KIF1B: variants seen among roughly 807,000 people sequenced by gnomAD.
KIF1B encodes the protein kinesin family member 1B, also known as kinesin-like protein KIF1B.
KIF1B carries 76 observed loss-of-function variants against 241.9 expected under a neutral mutation model. The observed-to-expected ratio is 0.31, with a 90% CI of 0.26 to 0.38. KIF1B has a LOEUF of 0.38. Among genes scored for constraint, KIF1B ranks in the 10% least tolerant of loss-of-function variants. The probability of loss-of-function intolerance (pLI) is 1.00; values close to 1 mark genes in which losing one functional copy is unlikely to be tolerated. For synonymous variants in KIF1B, 750 were observed against 796.7 expected (o/e 0.94, Z 0.99); for missense variants, 1,622 against 2,271.4 (o/e 0.71, Z 5.81).
intron 27 of KIF1B, among the ~76,000 whole-genome samples, chr1:10,329,294 A>G (rs1651833297): frequency 6.6e-6 from 1 of 152,232 alleles, no homozygotes; most frequent in South Asian, 2.1e-4. Context: ...TCTCTTCTAC[A>G]AACAAAATTT....
chr1:10,298,384 A>T (rs1340430335), intron 22 of KIF1B, among the ~76,000 whole-genome samples: 5 of 152,186 alleles, frequency 3.3e-5, no homozygotes, highest in African/African-American at 4.8e-5. Context: ...TTTCCAGAAT[A>T]CCTCAGTTCT....
intron 7 of KIF1B, among the ~76,000 whole-genome samples, 165 bp from the exon 8 acceptor site, chr1:10,271,332 TTAAAC>T (rs1201711354): frequency 6.6e-6 from 1 of 152,236 alleles, no homozygotes; most frequent in Non-Finnish European, 1.5e-5. Flanking sequence ...TGTGTACTGT[TTAAAC>T]TAACTGATAG....
Position 10,256,319 on chromosome 1 carries a change from C to T in KIF1B, c.179C>T (p.Thr60Ile), listed in dbSNP as rs751387700. 1.2e-6 allele frequency: 2 copies of T among 1,602,832 alleles called. No individual in the cohort carries two copies. Among genetic ancestry groups the T allele is most frequent in the Non-Finnish European group, 1.7e-6 (2 of 1,169,750 alleles). The change falls in exon 3 of 49, where the codon ACC (threonine) becomes ATC (isoleucine). Residue 60 changes from threonine (T) to isoleucine (I), a missense_variant. Coordinates refer to ENST00000676179, the MANE Select transcript of KIF1B (RefSeq NM_001365951.3). ...TTCGACTATTCCTACTGGTCTCATA[C>T]CTCAGTGAGTACCCTCATGCCACAG... Reference protein sequence around the residue: ...FSFDYSYWSHTSPEDPCFASQ... With the variant: ...FSFDYSYWSHISPEDPCFASQ...
At chr1:10,274,103 A>AT (rs1252011949) in intron 10 of KIF1B, among the ~76,000 whole-genome samples, 2 of 151,466 alleles carry the variant, frequency 1.3e-5, no homozygotes, top group South Asian at 2.1e-4. Context: ...CCCCCGGCTA[A>AT]TTTTTTGTAT....
chr1:10,359,756 C>T (rs1200137538), intron 38 of KIF1B, among the ~76,000 whole-genome samples: 12 of 152,064 alleles, frequency 7.9e-5, no homozygotes, highest in East Asian at 7.7e-4. Context: ...GGCTCTCGGC[C>T]GGCACAGTGG....
At chr1:10,217,029 A>C (rs557523857) in intron 1 of KIF1B, among the ~76,000 whole-genome samples, 2 of 117,888 alleles carry the variant, frequency 1.7e-5, no homozygotes, top group Admixed American at 2.5e-4. Flanking sequence ...ACTGGAGTGC[A>C]GTGGCCTGAT....
In KIF1B at chr1:10,381,318, T is replaced by C. The variant is rs1270250735; in HGVS notation, c.*4731T>C. The C allele has an allele frequency of 4.4e-6, 1 of 226,662 alleles. No homozygotes were observed. The highest frequency in any genetic ancestry group is 8.8e-6 in the Non-Finnish European group (1 of 113,700). The allele number at this position is 226,662 out of a possible 1,614,324, so 14.0% of individuals were successfully genotyped here. Reference sequence around the variant, plus strand: ...AAGTGGCCTTTTTGAACCAAGACTTTGCAAACTGATCTCTCCCCCGTGAAG... The same window carrying C: ...AAGTGGCCTTTTTGAACCAAGACTTCGCAAACTGATCTCTCCCCCGTGAAG... On this transcript the variant is annotated 3_prime_UTR_variant, in exon 49 of 49. Coordinates refer to ENST00000676179, the MANE Select transcript of KIF1B (RefSeq NM_001365951.3).
In KIF1B at chr1:10,323,856, T is replaced by A. The variant is rs1167745642; in HGVS notation, c.2359-28T>A. 2.5e-6 allele frequency: 4 copies of A among 1,601,862 alleles called. 1 individual carries two copies. ...CTGAAGCTTGCTTGCTGAAAACCAT[T>A]TGTCAATGGTTTATTCTTTCTATTC... On this transcript the variant is annotated intron_variant, in intron 24 of 48. Transcript: ENST00000676179.
chr1:10,372,909 C>A (rs893720304), intron 45 of KIF1B, among the ~76,000 whole-genome samples: 1 of 151,598 alleles, frequency 6.6e-6, no homozygotes, highest in Non-Finnish European at 1.5e-5. Flanking sequence ...CACCTTCCAG[C>A]TTCAAGTGAT....
At chr1:10,324,120 C>T in intron 25 of KIF1B, 58 bp downstream of exon 25, 4 of 1,043,974 alleles carry the variant, frequency 3.8e-6, no homozygotes, top group Non-Finnish European at 5.7e-6. Context: ...ATGACCTGCT[C>T]AAGTGAGCTC....
chr1:10,262,152 G>A (rs1042067117), intron 5 of KIF1B, among the ~76,000 whole-genome samples, 182 bp downstream of exon 5: 5 of 151,688 alleles, frequency 3.3e-5, no homozygotes, highest in Non-Finnish European at 7.4e-5. Context: ...CTTTTTTTTG[G>A]GGGGTGCGCG....
chr1:10,257,756 A>G (rs1046128633), intron 3 of KIF1B, among the ~76,000 whole-genome samples: 2 of 151,766 alleles, frequency 1.3e-5, no homozygotes, highest in Admixed American at 6.6e-5. Context: ...GCTCACTGCA[A>G]CCTACACCTC....
chr1:10,320,195 T>A, intron 23 of KIF1B, 59 bp downstream of exon 23: 1 of 1,177,960 alleles, frequency 8.5e-7, no homozygotes, highest in Non-Finnish European at 1.3e-6. Context: ...TATTATCAAA[T>A]TAGTCATTTA....
Position 10,292,065 on chromosome 1 carries a change from G to T in KIF1B, c.1533G>T (p.Glu511Asp), listed in dbSNP as rs764996552. 6.2e-7 allele frequency: 1 copy of T among 1,614,022 alleles called. No individual in the cohort carries two copies. The highest frequency in any genetic ancestry group is 1.7e-5 in the Admixed American group (1 of 60,020). Residue 511 changes from glutamate to aspartate, a missense_variant, in exon 17 of 49, where the codon GAG (glutamate) becomes GAT (aspartate). Coordinates refer to ENST00000676179, the MANE Select transcript of KIF1B (RefSeq NM_001365951.3). Reference protein sequence around the residue: ...IRMEREALLAEMGVAIREDGG... With the variant: ...IRMEREALLADMGVAIREDGG... ...TTCCTAGAGAGGCTTTGTTGGCTGA[G>T]ATGGGAGTTGCCATTCGGGAAGATG...
chr1:10,253,874 G>T (rs1647608912), intron 2 of KIF1B, among the ~76,000 whole-genome samples: 1 of 152,172 alleles, frequency 6.6e-6, no homozygotes, highest in Non-Finnish European at 1.5e-5. Flanking sequence ...TTTGAGGTTG[G>T]AACATAAATG....
At chr1:10,268,298 A>G (rs368985529) in intron 7 of KIF1B, 35 bp downstream of exon 7, 61 of 1,375,580 alleles carry the variant, frequency 4.4e-5, no homozygotes, top group Middle Eastern at 3.5e-4. Flanking sequence ...TTGAGTTGTG[A>G]AGGATGGAGA....
intron 5 of KIF1B, 70 bp from the exon 6 acceptor site, chr1:10,267,310 G>C: frequency 7.2e-7 from 1 of 1,398,378 alleles, no homozygotes; most frequent in Non-Finnish European, 1.0e-6. Context: ...TTACAGGCGT[G>C]AGCCACCGCG....
Position 10,378,123 on chromosome 1 carries a change from T to C in KIF1B, c.*1536T>C. On this transcript the variant is annotated 3_prime_UTR_variant, in exon 49 of 49. Coordinates refer to ENST00000676179, the MANE Select transcript of KIF1B (RefSeq NM_001365951.3). ...CTCTCTATACTCATAAATAAGCAAA[T>C]GTGGCAGGCTTTGCTTTCTGGATCC... is the stretch of plus-strand genomic sequence containing the variant. 3.4e-6 allele frequency: 2 copies of C among 582,260 alleles called. No homozygotes were observed. The highest frequency in any genetic ancestry group is 6.1e-6 in the Non-Finnish European group (2 of 326,950). The allele number at this position is 582,260 out of a possible 1,614,324, so 36.1% of individuals were successfully genotyped here. A position where few individuals can be genotyped will look rare whatever the true frequency, so the allele number is the denominator to read the frequency against.
chr1:10,253,343 A>G (rs1279774111), intron 2 of KIF1B, among the ~76,000 whole-genome samples: 3 of 152,162 alleles, frequency 2.0e-5, no homozygotes, highest in Admixed American at 2.0e-4. Context: ...GCTTGGGAGC[A>G]TCAAATAGGT....
Sources: gnomAD v4.1 joint callset for allele counts (sites outside exome capture counted in the v4.1 genomes callset) on GRCh38, gnomAD v4.1.1 for gene constraint, MANE v1.5 for transcripts, NCBI Gene and HGNC (gene_info 2026-07-23, HGNC 2026-07-21) for gene names.